Variants in WWTR1 observed in about 807,000 individuals in gnomAD.
The protein encoded by WWTR1 is WW domain containing transcription regulator 1, also known as WW domain-containing transcription regulator protein 1.
A neutral mutation model predicts 40.1 loss-of-function variants in WWTR1; 13 were observed. The observed-to-expected ratio is 0.32, with a 90% CI of 0.21 to 0.52. The LOEUF (loss-of-function observed/expected upper bound fraction) is 0.52. Ranked by LOEUF, WWTR1 falls within the 20% of genes least tolerant of loss-of-function variation. The pLI is 0.97. For missense variants in WWTR1, 436 were observed against 523.1 expected, an observed-to-expected ratio of 0.83 and a Z score of 1.63; for synonymous variants, 230 against 210.1, an observed-to-expected ratio of 1.09 and a Z score of -0.82.
intron 2 of WWTR1, among the ~76,000 whole-genome samples, chr3:149,624,408 C>G (rs1460798984): frequency 6.6e-6 from 1 of 152,204 alleles, no homozygotes; most frequent in South Asian, 2.1e-4. Context: ...CATGCACCAG[C>G]TAGTGTGAGC....
chr3:149,646,625 T>C (rs1021053230), intron 2 of WWTR1, among the ~76,000 whole-genome samples: 2 of 152,206 alleles, frequency 1.3e-5, no homozygotes, highest in African/African-American at 4.8e-5. Context: ...TAACTGGTTA[T>C]TGAATTTGGT....
intron 2 of WWTR1, among the ~76,000 whole-genome samples, chr3:149,641,893 C>T (rs1425771609): frequency 1.3e-5 from 2 of 152,200 alleles, no homozygotes; most frequent in Non-Finnish European, 2.9e-5. Context: ...AGCACAGCCC[C>T]TGTCATCTTC....
chr3:149,597,262 A>T (rs1739038380), intron 2 of WWTR1, among the ~76,000 whole-genome samples: 1 of 152,074 alleles, frequency 6.6e-6, no homozygotes, highest in South Asian at 2.1e-4. Flanking sequence ...TTCCATGCTC[A>T]TACTCTTCCT....
chr3:149,589,958 C>T (rs187029883), intron 2 of WWTR1, among the ~76,000 whole-genome samples: 191 of 152,066 alleles, frequency 1.3e-3, no homozygotes, highest in African/African-American at 4.2e-3. Flanking sequence ...CTTACTTGCC[C>T]CAGAAAGGAA....
intron 2 of WWTR1, among the ~76,000 whole-genome samples, chr3:149,580,215 C>T (rs1335934190): frequency 6.6e-6 from 1 of 152,056 alleles, no homozygotes; most frequent in East Asian, 1.9e-4. Flanking sequence ...ATATATCTTA[C>T]TCATATCTTA....
At chr3:149,603,645 C>T (rs1034413721) in intron 2 of WWTR1, among the ~76,000 whole-genome samples, 1 of 150,804 alleles carries the variant, frequency 6.6e-6, no homozygotes, top group East Asian at 2.0e-4. Context: ...ATTGGCATGC[C>T]CTAAAGCTGT....
chr3:149,575,488 T>G (rs1737838143), intron 2 of WWTR1, among the ~76,000 whole-genome samples: 1 of 152,200 alleles, frequency 6.6e-6, no homozygotes, highest in Non-Finnish European at 1.5e-5. Flanking sequence ...CTTCTCTCTT[T>G]CATAAACCTT....
At chr3:149,645,545 C>A (rs1469453674) in intron 2 of WWTR1, among the ~76,000 whole-genome samples, 1 of 152,116 alleles carries the variant, frequency 6.6e-6, no homozygotes, top group Admixed American at 6.6e-5. Context: ...ATAACAAAAG[C>A]CAGCTTTTTA....
At chr3:149,561,407 G>A (rs1055408511) in intron 3 of WWTR1, among the ~76,000 whole-genome samples, 5 of 152,132 alleles carry the variant, frequency 3.3e-5, no homozygotes, top group Admixed American at 3.3e-4. Flanking sequence ...GATATTATTG[G>A]CCAGGGTACG....
chr3:149,611,941 A>C (rs1156984761), intron 2 of WWTR1, among the ~76,000 whole-genome samples: 1 of 152,158 alleles, frequency 6.6e-6, no homozygotes, highest in Non-Finnish European at 1.5e-5. Flanking sequence ...TATTGCCTAG[A>C]CTTACATTTA....
At chr3:149,543,236 T>A (rs951529061) in intron 3 of WWTR1, among the ~76,000 whole-genome samples, 5 of 152,362 alleles carry the variant, frequency 3.3e-5, no homozygotes, top group Middle Eastern at 3.4e-3. Context: ...TCAATTTTTT[T>A]AAAATGCTCT....
At chr3:149,650,036 AGTGGT>A (rs1222342640) in intron 2 of WWTR1, 1 of 152,098 alleles carries the variant, frequency 6.6e-6, no homozygotes, top group East Asian at 1.9e-4. Flanking sequence ...TGATAAGATT[AGTGGT>A]GTGAGTCACC....
intron 2 of WWTR1, among the ~76,000 whole-genome samples, chr3:149,649,364 C>T (rs1334994321): frequency 1.3e-5 from 2 of 152,156 alleles, no homozygotes; most frequent in African/African-American, 4.8e-5. Context: ...AAGGCAAGGC[C>T]CTGGAAGATC....
At chr3:149,582,323 G>C (rs756741859) in intron 2 of WWTR1, among the ~76,000 whole-genome samples, 3 of 151,664 alleles carry the variant, frequency 2.0e-5, no homozygotes, top group Non-Finnish European at 2.9e-5. Context: ...TTGCTTGTTT[G>C]ATTTGGGCCA....
At position 149,656,932 on chromosome 3, in the gene WWTR1, T is replaced by C; in HGVS notation, c.375A>G (p.Pro125=). The C allele has an allele frequency of 1.3e-6, 2 of 1,572,448 alleles. No individual in the cohort carries two copies. The highest frequency in any genetic ancestry group is 1.7e-6 in the Non-Finnish European group (2 of 1,162,710). The change falls in exon 2 of 7, where the codon CCA becomes CCG. Residue 125 remains proline, a synonymous_variant. Coordinates refer to ENST00000360632, the MANE Select transcript of WWTR1 (RefSeq NM_015472.6). ...AGGTCATCTCCCAGCCCGGGGGCAG[T>C]GGCAGCTCGTCGGTCACGTCGTAGG... is the stretch of plus-strand genomic sequence containing the variant. ...QQSYDVTDEL[P]LPPGWEMTFT... is the part of the protein sequence containing the mutation.
chr3:149,629,538 C>G (rs1711501351), intron 2 of WWTR1, among the ~76,000 whole-genome samples: 1 of 152,178 alleles, frequency 6.6e-6, no homozygotes, highest in Non-Finnish European at 1.5e-5. Context: ...ATTTCGAAAT[C>G]TGAGGAAAAT....
At chr3:149,674,519 G>A (rs534761364) in intron 1 of WWTR1, among the ~76,000 whole-genome samples, 5 of 151,904 alleles carry the variant, frequency 3.3e-5, no homozygotes, top group East Asian at 1.9e-4. Context: ...CCTGGGAGGC[G>A]GAGGTTGCAG....
At chr3:149,636,336 C>G (rs146841314) in intron 2 of WWTR1, among the ~76,000 whole-genome samples, 19 of 152,360 alleles carry the variant, frequency 1.2e-4, no homozygotes, top group African/African-American at 4.3e-4. Flanking sequence ...ACAGCCTACT[C>G]TACCTCTTCA....
chr3:149,611,428 G>A (rs1403185165), intron 2 of WWTR1, among the ~76,000 whole-genome samples: 1 of 152,196 alleles, frequency 6.6e-6, no homozygotes, highest in African/African-American at 2.4e-5. Flanking sequence ...GGAAGCAACA[G>A]AGACCATGTG....
Sources: gnomAD v4.1 joint callset for allele counts (sites outside exome capture counted in the v4.1 genomes callset) on GRCh38, gnomAD v4.1.1 for gene constraint, MANE v1.5 for transcripts, NCBI Gene and HGNC (gene_info 2026-07-23, HGNC 2026-07-21) for gene names.